ZFAT: variants seen among roughly 807,000 people sequenced by gnomAD.
ZFAT encodes the protein zinc finger protein ZFAT.
ZFAT carries 64 observed loss-of-function variants against 117.7 expected under a neutral mutation model. That is an observed-to-expected ratio of 0.54 (90% CI 0.44 to 0.67). The LOEUF (loss-of-function observed/expected upper bound fraction) is 0.67, where lower values mean the gene tolerates loss of function less well. Ranked by LOEUF, ZFAT falls within the 30% of genes least tolerant of loss-of-function variation. The pLI, the probability that ZFAT is intolerant of heterozygous loss-of-function variation, is 0.00. For synonymous variants in ZFAT, 679 were observed against 615.0 expected (o/e 1.10, Z -1.54); for missense variants, 1,433 against 1,584.5 (o/e 0.90, Z 1.62).
chr8:134,694,371 G>A (rs75185074), intron 1 of ZFAT, among the ~76,000 whole-genome samples: 11,816 of 152,206 alleles, frequency 0.078, 623 homozygotes, highest in African/African-American at 0.15. Flanking sequence ...AGGCAAAGGG[G>A]CATCAGCTCT....
At position 134,532,834 on chromosome 8, in the gene ZFAT, C is replaced by G; in HGVS notation, c.3115G>C (p.Gly1039Arg). 1 of 1,610,296 alleles carries G rather than the reference C, an allele frequency of 6.2e-7. No individual in the cohort carries two copies. The highest frequency in any genetic ancestry group is 8.5e-7 in the Non-Finnish European group (1 of 1,178,550). The change falls in exon 12 of 16, where the codon GGT becomes CGT. Residue 1039 changes from glycine to arginine, a missense_variant and splice_region_variant. Physicochemically the swap from Gly to Arg is moderately radical, Grantham distance 125 (BLOSUM62 -2). Around this residue, in one of 5 missense-constraint regions of ZFAT, gnomAD observed 503 missense variants for 543.4 expected, o/e 0.93. Transcript: ENST00000377838. ...CCCAGCTCGCTGGCCCCTCGCCTACCTTGCTGGATGAGCACCTCCGCTGCC... is the reference window on the plus strand; with the variant it reads ...CCCAGCTCGCTGGCCCCTCGCCTACGTTGCTGGATGAGCACCTCCGCTGCC... Reference protein sequence around the residue: ...ELAAEVLIQQGGLKCPVCSFV... With the variant: ...ELAAEVLIQQRGLKCPVCSFV...
intron 1 of ZFAT, among the ~76,000 whole-genome samples, chr8:134,665,861 C>T (rs1832190365): frequency 6.6e-6 from 1 of 152,174 alleles, no homozygotes; most frequent in African/African-American, 2.4e-5. Flanking sequence ...CTCTGCCTCC[C>T]CTGAGGTCCT....
the ZFAT span, among the ~76,000 whole-genome samples, chr8:134,761,602 A>G: frequency 1.3e-5 from 2 of 152,054 alleles, no homozygotes; most frequent in Non-Finnish European, 2.9e-5. Flanking sequence ...TGGGAGGCTG[A>G]GGCAGGAGAA....
chr8:134,688,510 TGAGAAAAGAAAGAGCCAC>T (rs1290045370), intron 1 of ZFAT, among the ~76,000 whole-genome samples: 1 of 151,554 alleles, frequency 6.6e-6, no homozygotes, highest in African/African-American at 2.4e-5. Flanking sequence ...TCCCAAGAAC[TGAGAAAAGAAAGAGCCAC>T]GAGAAAGGGG....
chr8:134,595,731 T>C (rs1349377585), intron 7 of ZFAT, among the ~76,000 whole-genome samples: 1 of 152,222 alleles, frequency 6.6e-6, no homozygotes, highest in Non-Finnish European at 1.5e-5. Flanking sequence ...TAGTTACTAA[T>C]TGGAAGAAGG....
At position 134,556,725 on chromosome 8, in the gene ZFAT, C is replaced by T. The variant is rs576310610; in HGVS notation, c.2976+8608G>A. Among the ~76,000 whole-genome samples the T allele has an allele frequency of 9.9e-5, 15 of 152,218 alleles. No individual in the cohort carries two copies. The South Asian group carries it at 3.1e-3, about 32-fold the overall frequency. On this transcript the variant is annotated intron_variant, in intron 11 of 15. Transcript: ENST00000377838. ...TTCAGAAATGAAGACCACATACAGACATTCTCAAACAGACAAAAATCGAGA... is the reference window on the plus strand; with the variant it reads ...TTCAGAAATGAAGACCACATACAGATATTCTCAAACAGACAAAAATCGAGA...
At chr8:134,499,445 C>T (rs1198393248) in intron 15 of ZFAT, among the ~76,000 whole-genome samples, 3 of 109,196 alleles carry the variant, frequency 2.7e-5, no homozygotes, top group East Asian at 2.7e-4. Context: ...GTAGGGTTGG[C>T]ACGGAGCTGG....
chr8:134,735,023 CT>C, the ZFAT span, among the ~76,000 whole-genome samples: 728 of 152,304 alleles, frequency 4.8e-3, 5 homozygotes, highest in African/African-American at 0.016. Context: ...GTGCAAGTGT[CT>C]GCTTGTCACC....
At chr8:134,791,771 CTA>C in the ZFAT span, among the ~76,000 whole-genome samples, 195 of 152,178 alleles carry the variant, frequency 1.3e-3, 1 homozygote, top group African/African-American at 4.5e-3. Flanking sequence ...AGCAAAAAAA[CTA>C]TGTTTCTCAG....
intron 1 of ZFAT, among the ~76,000 whole-genome samples, chr8:134,659,805 C>G (rs1161607844): frequency 1.3e-5 from 2 of 152,210 alleles, no homozygotes; most frequent in Admixed American, 6.5e-5. Flanking sequence ...GCCTTGCTGG[C>G]ATGAAGGTGG....
intron 4 of ZFAT, among the ~76,000 whole-genome samples, chr8:134,609,628 T>C (rs1423703327): frequency 2.0e-5 from 3 of 152,220 alleles, no homozygotes; most frequent in Non-Finnish European, 4.4e-5. Flanking sequence ...GCTGTAGCTG[T>C]CCTTAAAATC....
chr8:134,592,234 C>CG (rs938593225), intron 7 of ZFAT, among the ~76,000 whole-genome samples: 92 of 152,288 alleles, frequency 6.0e-4, no homozygotes, highest in African/African-American at 2.0e-3. Flanking sequence ...TGCTCCCCAC[C>CG]GGGCAGTCTA....
chr8:134,600,872 T>C (rs942512241), intron 6 of ZFAT, among the ~76,000 whole-genome samples: 5 of 152,160 alleles, frequency 3.3e-5, no homozygotes, highest in African/African-American at 1.2e-4. Flanking sequence ...CTACTATTTT[T>C]TGCATGATGT....
chr8:134,534,563 A>C (rs1418728357), intron 11 of ZFAT, among the ~76,000 whole-genome samples: 1 of 150,090 alleles, frequency 6.7e-6, no homozygotes, highest in Non-Finnish European at 1.5e-5. Flanking sequence ...AGGGAGAAGG[A>C]GAGGAGGAGG....
chr8:134,565,498 C>T (rs1480789719), intron 10 of ZFAT, 77 bp from the exon 11 acceptor site: 1 of 1,364,968 alleles, frequency 7.3e-7, no homozygotes, highest in Non-Finnish European at 1.0e-6. Context: ...AGGCATGGAG[C>T]CAGGTACACA....
upstream of ZFAT, among the ~76,000 whole-genome samples, chr8:134,713,871 A>G (rs1467344365): frequency 9.4e-6 from 1 of 105,866 alleles, no homozygotes; most frequent in African/African-American, 3.8e-5. Context: ...CCTATCTGTC[A>G]TTATCTCCCT....
intron 1 of ZFAT, among the ~76,000 whole-genome samples, chr8:134,680,415 T>C (rs1220708392): frequency 6.6e-6 from 1 of 152,170 alleles, no homozygotes; most frequent in Non-Finnish European, 1.5e-5. Flanking sequence ...TTGTGCTACT[T>C]TTACAATTTT....
chr8:134,716,792 C>A (rs950670790), upstream of ZFAT, among the ~76,000 whole-genome samples: 4 of 152,110 alleles, frequency 2.6e-5, no homozygotes, highest in African/African-American at 9.7e-5. Context: ...TGTGTAATTA[C>A]AAAACTAGTT....
the ZFAT span, among the ~76,000 whole-genome samples, chr8:134,733,234 A>G: frequency 7.9e-5 from 12 of 152,328 alleles, no homozygotes; most frequent in Admixed American, 5.9e-4. Context: ...CAATATTCCT[A>G]GAGCTGCCAG....
Sources: gnomAD v4.1 joint callset for allele counts (sites outside exome capture counted in the v4.1 genomes callset) on GRCh38, gnomAD v4.1.1 for gene constraint, gnomAD v4.1.1 regional missense constraint, MANE v1.5 for transcripts, NCBI Gene and HGNC (gene_info 2026-07-23, HGNC 2026-07-21) for gene names.